Variants in FBXO11 observed in about 807,000 individuals in gnomAD.
FBXO11 encodes the protein F-box protein 11, also known as F-box only protein 11.
In FBXO11, 13 loss-of-function variants were observed where a neutral mutation model predicts 117.0. The ratio of observed to expected loss-of-function variants is 0.11; its 90% CI spans 0.07 to 0.18. The LOEUF (loss-of-function observed/expected upper bound fraction) is 0.18, where lower values mean the gene tolerates loss of function less well. FBXO11 is among the 10% of genes least tolerant of loss of function. The pLI is 1.00. For missense variants in FBXO11, 767 were observed against 1,164.4 expected (o/e 0.66, Z 4.97); for synonymous variants, 490 against 380.5 (o/e 1.29, Z -3.35).
chr2:47,905,361 C>A, intron 1 of FBXO11, 128 bp downstream of exon 1: 1 of 966,678 alleles, frequency 1.0e-6, no homozygotes, highest in Non-Finnish European at 1.3e-6. Flanking sequence ...GACCCGCCTC[C>A]GCTCAGCTTG....
intron 1 of FBXO11, among the ~76,000 whole-genome samples, chr2:47,840,147 G>C (rs1282226312): frequency 6.6e-6 from 1 of 151,960 alleles, no homozygotes; most frequent in Non-Finnish European, 1.5e-5. Context: ...GTTTCATCGT[G>C]GTAGCCAGGA....
At chr2:47,809,396 A>G (rs999200490) in intron 20 of FBXO11, 130 bp from the exon 21 acceptor site, 2 of 687,876 alleles carry the variant, frequency 2.9e-6, no homozygotes, top group Admixed American at 3.2e-5. Flanking sequence ...CCAATGAAGT[A>G]ATTGTAAGAA....
intron 1 of FBXO11, among the ~76,000 whole-genome samples, chr2:47,859,264 C>G (rs557583873): frequency 1.3e-5 from 2 of 152,030 alleles, no homozygotes; most frequent in East Asian, 1.9e-4. Flanking sequence ...CCCAACTAAT[C>G]TGAAGATCAT....
intron 7 of FBXO11, among the ~76,000 whole-genome samples, chr2:47,833,913 C>A (rs1672361182): frequency 6.6e-6 from 1 of 152,094 alleles, no homozygotes; most frequent in Non-Finnish European, 1.5e-5. Context: ...AGCGATCCAC[C>A]CACCTCAGCC....
intron 4 of FBXO11, among the ~76,000 whole-genome samples, chr2:47,838,501 T>C (rs779533832): frequency 2.7e-5 from 4 of 147,928 alleles, no homozygotes; most frequent in African/African-American, 1.1e-4. Context: ...GATTCATGAA[T>C]ACAACTGTTT....
chr2:47,885,324 T>C (rs1364881357), intron 1 of FBXO11, among the ~76,000 whole-genome samples: 3 of 152,160 alleles, frequency 2.0e-5, no homozygotes, highest in Non-Finnish European at 4.4e-5. Context: ...CCAGGTGCGG[T>C]GGCTCACGCC....
chr2:47,885,772 A>T (rs1676788029), intron 1 of FBXO11, among the ~76,000 whole-genome samples: 1 of 152,216 alleles, frequency 6.6e-6, no homozygotes, highest in African/African-American at 2.4e-5. Context: ...AGACGAAAGG[A>T]GTATGACAAC....
In FBXO11 at chr2:47,903,406, T is replaced by C. The variant is rs917156168; in HGVS notation, c.232+2083A>G. On this transcript the variant is annotated intron_variant, in intron 1 of 22. Transcript: ENST00000403359. ...CATTTGGTTGGGTACATACTGAAAT[T>C]TGGATTCATGAATATTGACAGTTTA... 3.3e-4 allele frequency among the ~76,000 whole-genome samples: 51 copies of C among 152,280 alleles called. 1 individual carries two copies. Among genetic ancestry groups the C allele is most frequent in the Non-Finnish European group, 3.5e-4 (24 of 68,016 alleles).
chr2:47,865,712 A>ATCCCATGTTG (rs1675144532), intron 1 of FBXO11: 1 of 152,232 alleles, frequency 6.6e-6, no homozygotes, highest in South Asian at 2.1e-4. Flanking sequence ...TCTTAAATAA[A>ATCCCATGTTG]TTTAAGACAC....
At chr2:47,894,346 G>C (rs1190355698) in intron 1 of FBXO11, among the ~76,000 whole-genome samples, 2 of 152,140 alleles carry the variant, frequency 1.3e-5, no homozygotes, top group African/African-American at 2.4e-5. Context: ...TCAAGAATAT[G>C]CAGAAAACTA....
At chr2:47,863,717 G>A (rs1245500129) in intron 1 of FBXO11, among the ~76,000 whole-genome samples, 1 of 152,204 alleles carries the variant, frequency 6.6e-6, no homozygotes, top group Non-Finnish European at 1.5e-5. Flanking sequence ...ACGGTGGGCA[G>A]ATCACTTGAA....
intron 11 of FBXO11, among the ~76,000 whole-genome samples, chr2:47,823,943 C>A (rs905321572): frequency 6.6e-6 from 1 of 151,956 alleles, no homozygotes; most frequent in Non-Finnish European, 1.5e-5. Flanking sequence ...ACAATCCTCC[C>A]GCCTCAGCCT....
rs1185661920 is a variant in FBXO11 at position 47,807,338 on chromosome 2, T to C, written c.*780A>G. ...CAAAACTGAGTTACAAGAATACTTT[T>C]GTTTTACAGTGCATCCCTTCCTAGG... is the stretch of plus-strand genomic sequence containing the variant. On this transcript the variant is annotated 3_prime_UTR_variant, in exon 23 of 23. Transcript: ENST00000403359. The C allele has an allele frequency of 4.7e-6, 1 of 212,912 alleles. No homozygotes were observed. The highest frequency in any genetic ancestry group is 9.5e-6 in the Non-Finnish European group (1 of 105,218). 13.2% of individuals were successfully genotyped at this position (212,912 alleles called of 1,614,324 possible). A position where few individuals can be genotyped will look rare whatever the true frequency, so the allele number is the denominator to read the frequency against.
At chr2:47,877,395 TATAA>T (rs1394835813) in intron 1 of FBXO11, among the ~76,000 whole-genome samples, 1 of 152,232 alleles carries the variant, frequency 6.6e-6, no homozygotes, top group Non-Finnish European at 1.5e-5. Context: ...GAAAACATAC[TATAA>T]ATACTGTTTC....
At chr2:47,825,967 C>T (rs78150972) in intron 11 of FBXO11, among the ~76,000 whole-genome samples, 439 of 152,204 alleles carry the variant, frequency 2.9e-3, no homozygotes, top group African/African-American at 0.01. Context: ...TTGATATACA[C>T]TGACTAAACA....
At chr2:47,873,396 C>G (rs1477073318) in intron 1 of FBXO11, among the ~76,000 whole-genome samples, 2 of 152,222 alleles carry the variant, frequency 1.3e-5, no homozygotes, top group African/African-American at 4.8e-5. Flanking sequence ...TTTTTAAAGT[C>G]TTACAACCAG....
rs55762324 is a variant in FBXO11, at chr2:47,807,217, CAAA to C, written c.*898_*900del. On this transcript the variant is annotated 3_prime_UTR_variant, in exon 23 of 23. Coordinates refer to ENST00000403359, the MANE Select transcript of FBXO11 (RefSeq NM_001190274.2). ...TTCCAGCAGTTTTGTCTAAACTGTT[CAAA>C]AAAAAACTATGAACAGAGTTCAAAT... 1 of 241,348 alleles carries C rather than the reference CAAA, an allele frequency of 4.1e-6. No individual in the cohort carries two copies. The highest frequency in any genetic ancestry group is 8.1e-6 in the Non-Finnish European group (1 of 123,654). The allele number at this position is 241,348 out of a possible 1,614,324, so 15.0% of individuals were successfully genotyped here.
chr2:47,839,470 C>T lies in FBXO11; in HGVS notation c.391G>A (p.Gly131Ser), dbSNP rs1470160523. Residue 131 changes from glycine (G) to serine (S), a missense_variant, in exon 3 of 23, where the codon GGT (glycine) becomes AGT (serine). Physicochemically the swap from Gly to Ser is moderately conservative, Grantham distance 56 (BLOSUM62 0). Coordinates refer to ENST00000403359, the MANE Select transcript of FBXO11 (RefSeq NM_001190274.2). ...ACTCTTGCACGTTTTGCACGATGAC[C>T]AAAGTTTTCTGTAGTTGAAGTTGAG... ...GASTSTTENF[G>S]HRAKRARVSG... 6.2e-7 allele frequency: 1 copy of T among 1,613,882 alleles called. No individual in the cohort carries two copies. The highest frequency in any genetic ancestry group is 1.7e-5 in the Admixed American group (1 of 59,964).
intron 11 of FBXO11, among the ~76,000 whole-genome samples, chr2:47,829,067 A>T (rs913095001): frequency 6.6e-6 from 1 of 151,750 alleles, no homozygotes; most frequent in East Asian, 1.9e-4. Flanking sequence ...GATTACAGGC[A>T]CACGCCACCA....
Sources: gnomAD v4.1 joint callset for allele counts (sites outside exome capture counted in the v4.1 genomes callset) on GRCh38, gnomAD v4.1.1 for gene constraint, MANE v1.5 for transcripts, NCBI Gene and HGNC (gene_info 2026-07-23, HGNC 2026-07-21) for gene names.